COG7: variants seen among roughly 807,000 people sequenced by gnomAD.
COG7 encodes component of oligomeric golgi complex 7.
In COG7, 49 loss-of-function variants were observed where a neutral mutation model predicts 91.5. The observed-to-expected ratio is 0.54, with a 90% CI of 0.43 to 0.68. The LOEUF (loss-of-function observed/expected upper bound fraction) is 0.68. COG7 is among the 30% of genes least tolerant of loss of function. COG7 has a pLI of 0.00. For missense variants in COG7, 895 were observed against 961.3 expected (o/e 0.93, Z 0.91); for synonymous variants, 365 against 388.7 (o/e 0.94, Z 0.72).
At chr16:23,441,116 T>C (rs891605082) in intron 4 of COG7, among the ~76,000 whole-genome samples, 3 of 150,806 alleles carry the variant, frequency 2.0e-5, no homozygotes, top group Non-Finnish European at 3.0e-5. Context: ...AAGATATGAA[T>C]TGGTAGGTGA....
intron 6 of COG7, among the ~76,000 whole-genome samples, chr16:23,431,511 T>G (rs1359636170): frequency 6.6e-6 from 1 of 152,120 alleles, no homozygotes; most frequent in Non-Finnish European, 1.5e-5. Flanking sequence ...CAAGAACACA[T>G]GAATAATTTT....
chr16:23,417,510 T>C (rs912322649), intron 8 of COG7, among the ~76,000 whole-genome samples: 4 of 152,224 alleles, frequency 2.6e-5, no homozygotes, highest in African/African-American at 9.6e-5. Flanking sequence ...CTCAAGCCTG[T>C]AATCCCAGTA....
chr16:23,429,290 C>G (rs250551), intron 6 of COG7, among the ~76,000 whole-genome samples: 44,694 of 151,902 alleles, frequency 0.29, 7,563 homozygotes, highest in African/African-American at 0.47. Flanking sequence ...ACGCCTGGCT[C>G]GGCAGTTTCT....
At chr16:23,449,101 C>A (rs974039670) in intron 1 of COG7, among the ~76,000 whole-genome samples, 3 of 151,740 alleles carry the variant, frequency 2.0e-5, no homozygotes, top group Non-Finnish European at 4.4e-5. Flanking sequence ...CAGTGGCTCA[C>A]GCCTATAATC....
In COG7 at chr16:23,388,778, G is replaced by A; in HGVS notation, c.*142C>T. 1 of 1,451,074 alleles carries A rather than the reference G, an allele frequency of 6.9e-7. No individual in the cohort carries two copies. The highest frequency in any genetic ancestry group is 9.2e-7 in the Non-Finnish European group (1 of 1,092,006). The allele number at this position is 1,451,074 out of a possible 1,614,324, so 89.9% of individuals were successfully genotyped here. A position where few individuals can be genotyped will look rare whatever the true frequency, so the allele number is the denominator to read the frequency against. ...GCCTCCCAAAGTGCTGGGATTACAG[G>A]CGTGAGCCACCGTGACCAGCTGAAC... On this transcript the variant is annotated 3_prime_UTR_variant, in exon 17 of 17. Transcript: ENST00000307149.
Position 23,388,814 on chromosome 16 carries a change from T to A in COG7, c.*106A>T. On this transcript the variant is annotated 3_prime_UTR_variant, in exon 17 of 17. Coordinates refer to ENST00000307149, the MANE Select transcript of COG7 (RefSeq NM_153603.4). ...CGTGACCAGCTGAACCAAGTCTTTT[T>A]AAAGTAACTTCTGCCCAATCTTGGG... 1 of 1,578,270 alleles carries A rather than the reference T, an allele frequency of 6.3e-7. No homozygotes were observed. Among genetic ancestry groups the A allele is most frequent in the South Asian group, 1.1e-5 (1 of 88,016 alleles).
intron 3 of COG7, 143 bp from the exon 4 acceptor site, chr16:23,442,788 C>T: frequency 2.6e-6 from 2 of 765,804 alleles, no homozygotes; most frequent in Non-Finnish European, 4.5e-6. Flanking sequence ...GTAATCCCAG[C>T]ACTTTCGGAG....
intron 12 of COG7, among the ~76,000 whole-genome samples, chr16:23,404,151 T>A (rs564471203): frequency 1.3e-5 from 2 of 152,314 alleles, no homozygotes; most frequent in South Asian, 4.1e-4. Flanking sequence ...AATTCACCTG[T>A]GACCATCCCT....
In COG7 at chr16:23,406,842, G is replaced by A. The variant is rs368536923; in HGVS notation, c.1476-580C>T. Among the ~76,000 whole-genome samples, 70 of 152,266 alleles carry A rather than the reference G, an allele frequency of 4.6e-4. No homozygotes were observed. The South Asian group carries it at 0.012, about 26-fold the overall frequency. ...GCTACAGAGAGATCTATTGAGGCTG[G>A]CACTTTCCAAACTCTTTGAGAAAGA... On this transcript the variant is annotated intron_variant, in intron 11 of 16. Transcript: ENST00000307149.
intron 1 of COG7, among the ~76,000 whole-genome samples, chr16:23,447,775 C>CT (rs1964205083): frequency 6.6e-6 from 1 of 151,804 alleles, no homozygotes; most frequent in Non-Finnish European, 1.5e-5. Flanking sequence ...TGGTGTGTGC[C>CT]TGTAGCCCCA....
In COG7 at chr16:23,452,845, C is replaced by T. The variant is rs1964288098; in HGVS notation, c.150G>A (p.Glu50=). 6.2e-7 allele frequency: 1 copy of T among 1,613,276 alleles called. No homozygotes were observed. Among genetic ancestry groups the T allele is most frequent in the African/African-American group, 1.3e-5 (1 of 74,940 alleles). Residue 50 remains glutamate, a synonymous_variant, in exon 1 of 17, where the codon GAG becomes GAA. Coordinates refer to ENST00000307149, the MANE Select transcript of COG7 (RefSeq NM_153603.4). The part of the protein sequence containing the change: ...LVMKLQLFIQ[E]VNHAVEETSH... ...GCTCACCCTCCACGGCGTGGTTCAC[C>T]TCTTGGATGAACAGCTGCAGCTTCA...
chr16:23,448,941 G>A (rs2142098428), intron 1 of COG7, among the ~76,000 whole-genome samples: 1 of 152,294 alleles, frequency 6.6e-6, no homozygotes, highest in South Asian at 2.1e-4. Flanking sequence ...TTCACATTTA[G>A]GCCAGGACAA....
intron 6 of COG7, among the ~76,000 whole-genome samples, chr16:23,427,942 C>T (rs918288473): frequency 2.6e-5 from 4 of 152,112 alleles, no homozygotes; most frequent in East Asian, 1.9e-4. Flanking sequence ...TTTGGGAGGC[C>T]GAGTGGGCAG....
At chr16:23,421,778 G>A (rs1963759640) in intron 7 of COG7, among the ~76,000 whole-genome samples, 1 of 150,114 alleles carries the variant, frequency 6.7e-6, no homozygotes, top group African/African-American at 2.4e-5. Flanking sequence ...ATGAACCCAG[G>A]AGGTGGAGGC....
At chr16:23,422,430 T>C (rs2142079519) in intron 7 of COG7, among the ~76,000 whole-genome samples, 1 of 150,504 alleles carries the variant, frequency 6.6e-6, no homozygotes, top group African/African-American at 2.4e-5. Flanking sequence ...TATAAGACTG[T>C]CTACAACCAA....
At chr16:23,424,409 C>T (rs1325316140) in intron 7 of COG7, among the ~76,000 whole-genome samples, 1 of 152,038 alleles carries the variant, frequency 6.6e-6, no homozygotes, top group African/African-American at 2.4e-5. Context: ...GCACACTTGC[C>T]TCCTGGTGTA....
chr16:23,427,287 AGGCGCGGC>A (rs1468385540), intron 6 of COG7, among the ~76,000 whole-genome samples: 1 of 151,838 alleles, frequency 6.6e-6, no homozygotes, highest in Admixed American at 6.6e-5. Context: ...AAACCAGGCT[AGGCGCGGC>A]GGCTCACGCC....
At chr16:23,401,747 C>G (rs1288241012) in intron 13 of COG7, among the ~76,000 whole-genome samples, 1 of 151,548 alleles carries the variant, frequency 6.6e-6, no homozygotes, top group Non-Finnish European at 1.5e-5. Flanking sequence ...GAATGAGTAT[C>G]TTTCGTGGAG....
At position 23,388,956 on chromosome 16, in the gene COG7, G is replaced by A; in HGVS notation, c.2277C>T (p.Ala759=). The change falls in exon 17 of 17, where the codon GCC becomes GCT. Residue 759 remains alanine, a synonymous_variant. Coordinates refer to ENST00000307149, the MANE Select transcript of COG7 (RefSeq NM_153603.4). ...QVSKGLPRRL[A]TTVATMRSVN... is the part of the protein sequence containing the mutation. Reference sequence around the variant, plus strand: ...CACTCCGCATGGTGGCCACGGTGGTGGCCAGGCGACGGGGCAGGCCTTTGC... The same window carrying A: ...CACTCCGCATGGTGGCCACGGTGGTAGCCAGGCGACGGGGCAGGCCTTTGC... The A allele has an allele frequency of 1.2e-6, 2 of 1,614,126 alleles. No homozygotes were observed. Among genetic ancestry groups the A allele is most frequent in the Non-Finnish European group, 1.7e-6 (2 of 1,180,016 alleles).
Sources: allele counts gnomAD v4.1 joint callset (sites outside exome capture counted in the v4.1 genomes callset), GRCh38; gene constraint gnomAD v4.1.1; transcripts MANE v1.5; gene names NCBI Gene and HGNC (gene_info 2026-07-23, HGNC 2026-07-21).